The following MSL3 variants were observed in gnomAD, a reference collection of about 807,000 sequenced individuals.
MSL3 encodes MSL3-like 1.
In MSL3, 5 loss-of-function variants were observed where a neutral mutation model predicts 37.2. That is an observed-to-expected ratio of 0.13 (90% CI 0.07 to 0.28). The LOEUF is 0.28. Ranked by LOEUF, MSL3 falls within the 10% of genes least tolerant of loss-of-function variation. The pLI, the probability that MSL3 is intolerant of heterozygous loss-of-function variation, is 1.00. For synonymous variants in MSL3, 149 were observed against 147.6 expected (o/e 1.01, Z -0.07); for missense variants, 315 against 408.5 (o/e 0.77, Z 1.97).
intron 10 of MSL3, chrX:11,769,136 ATTT>A (rs766690527): frequency 1.8e-5 from 2 of 113,646 alleles, no homozygotes; most frequent in Non-Finnish European, 3.7e-5. Context: ...GTGTTTGAAA[ATTT>A]TTTTTGTTTT....
intron 1 of MSL3, chrX:11,758,600 C>T: frequency 8.8e-7 from 1 of 1,131,224 alleles, no homozygotes; most frequent in Admixed American, 2.9e-5. Context: ...GGTTGGGAGC[C>T]TCGCCCATGC....
At chrX:11,767,580 C>T (rs776438568) in intron 9 of MSL3, 1 of 113,932 alleles carries the variant, frequency 8.8e-6, no homozygotes, top group Non-Finnish European at 1.8e-5. Context: ...TCTAAGACTG[C>T]AGTGAGCTCT....
intron 10 of MSL3, 22 bp from the exon 11 acceptor site, chrX:11,772,134 A>G: frequency 8.9e-7 from 1 of 1,124,548 alleles, no homozygotes; most frequent in Non-Finnish European, 1.2e-6. Flanking sequence ...TAACAAAAGC[A>G]TTCAATTCGT....
intron 9 of MSL3, 89 bp from the exon 10 acceptor site, chrX:11,768,484 T>A: frequency 1.7e-6 from 1 of 593,445 alleles, no homozygotes; most frequent in Non-Finnish European, 2.7e-6. Flanking sequence ...GAGAACCAAG[T>A]TTAGATTTAT....
intron 7 of MSL3, 85 bp downstream of exon 7, chrX:11,763,082 A>G (rs969800655): frequency 8.0e-6 from 6 of 747,603 alleles, no homozygotes; most frequent in Non-Finnish European, 1.1e-5. Flanking sequence ...ACTTGTCTCT[A>G]TTCCGTTATT....
rs113375263 is a variant in MSL3 at position 11,772,718 on chromosome X, T to C, written c.1466+13T>C. On this transcript the variant is annotated intron_variant, in intron 12 of 12. Transcript: ENST00000312196. ...ATCTCTTTTTGAGGTATTTTTATTA[T>C]TTTGTCAAAACTTACACCTGTTGCC... The C allele has an allele frequency of 4.7e-3, 5,221 of 1,102,301 alleles. 137 individuals are homozygous for C. The African/African-American group carries it at 0.081, about 17-fold the overall frequency. The allele number at this position is 1,102,301 out of a possible 1,213,427, so 90.8% of individuals were successfully genotyped here.
intron 10 of MSL3, among the ~76,000 whole-genome samples, chrX:11,771,540 T>C (rs1010487423): frequency 4.4e-5 from 5 of 112,871 alleles, no homozygotes; most frequent in African/African-American, 1.6e-4. Context: ...TACTTTTTAA[T>C]GCTTCATTCT....
chrX:11,761,436 C>A, intron 4 of MSL3, 64 bp from the exon 5 acceptor site: 1 of 706,094 alleles, frequency 1.4e-6, no homozygotes, highest in Non-Finnish European at 2.1e-6. Flanking sequence ...ACGTGAAGAT[C>A]TGTAGACATA....
intron 9 of MSL3, chrX:11,766,305 TACAC>T (rs2053182644): frequency 1.3e-6 from 1 of 753,164 alleles, no homozygotes; most frequent in East Asian, 1.5e-4. Context: ...TTTTCCAAAA[TACAC>T]ACAGGTTGAT....
chrX:11,772,182 C>G lies in MSL3; in HGVS notation c.1308C>G (p.Asp436Glu), dbSNP rs1332446329. 10 of 1,209,692 alleles carry G rather than the reference C, an allele frequency of 8.3e-6. No homozygotes were observed. Among genetic ancestry groups the G allele is most frequent in the Non-Finnish European group, 1.0e-5 (9 of 893,858 alleles). The change falls in exon 11 of 13, where the codon GAC (aspartate) becomes GAG (glutamate). Residue 436 changes from aspartate to glutamate, a missense_variant. By Grantham distance (45) the Asp-to-Glu change is conservative. Transcript: ENST00000312196. The stretch of plus-strand genomic sequence containing the variant: ...TCCTCTCCTGGAAGCTTGTGCCTGA[C>G]AATTACCCCCCAGGTGACCAGCCGC... ...NEVLSWKLVP[D>E]NYPPGDQPPP...
chrX:11,758,743 T>G (rs1228941866), intron 1 of MSL3: 2 of 1,165,463 alleles, frequency 1.7e-6, no homozygotes, highest in Admixed American at 2.6e-5. Flanking sequence ...CCGGGTGGGC[T>G]CCTGTGGGAC....
chrX:11,773,821 C>T (rs778093710), intron 12 of MSL3, among the ~76,000 whole-genome samples: 4 of 111,724 alleles, frequency 3.6e-5, no homozygotes, highest in African/African-American at 9.8e-5. Flanking sequence ...AAAACGTATT[C>T]GAAGATATCA....
rs760915919 is a variant in MSL3, at chrX:11,763,896, A to C, written c.866A>C (p.Lys289Thr). 1.7e-6 allele frequency: 2 copies of C among 1,209,822 alleles called. No individual in the cohort carries two copies. The highest frequency in any genetic ancestry group is 1.1e-6 in the Non-Finnish European group (1 of 894,431). ...QAQYKKVTSS[K>T]FFLPIKESAT... ...CAGTATAAAAAGGTGACTTCGTCTA[A>C]ATTTTTTCTTCCAATTAAGGAAAGT... The change falls in exon 8 of 13, where the codon AAA (lysine) becomes ACA (threonine). Residue 289 changes from lysine to threonine, a missense_variant. By Grantham distance (78) the Lys-to-Thr change is moderately conservative. Coordinates refer to ENST00000312196, the MANE Select transcript of MSL3 (RefSeq NM_078629.4).
At chrX:11,758,492 C>T (rs2053093767) in intron 1 of MSL3, 127 bp downstream of exon 1, 37 of 988,589 alleles carry the variant, frequency 3.7e-5, no homozygotes, top group South Asian at 6.2e-5. Flanking sequence ...AGGAGCGGTG[C>T]GGCCGGCAGG....
intron 9 of MSL3, chrX:11,768,348 G>C (rs1215299845): frequency 1.3e-5 from 4 of 307,017 alleles, no homozygotes; most frequent in Non-Finnish European, 2.3e-5. Context: ...CATTCACTAA[G>C]CATAGTCTTT....
Position 11,770,440 on chromosome X carries a change from C to T in MSL3, c.1282-1716C>T, listed in dbSNP as rs1386359620. On this transcript the variant is annotated intron_variant, in intron 10 of 12. Coordinates refer to ENST00000312196, the MANE Select transcript of MSL3 (RefSeq NM_078629.4). Reference sequence around the variant, plus strand: ...GCTATTCCCACTCCGGTCTGCAGTGCGAATGCGCCATCTAGTGGTTATAGG... The same window carrying T: ...GCTATTCCCACTCCGGTCTGCAGTGTGAATGCGCCATCTAGTGGTTATAGG... 5.4e-5 allele frequency among the ~76,000 whole-genome samples: 6 copies of T among 112,038 alleles called. No homozygotes were observed. In the South Asian group the frequency reaches 1.8e-3, roughly 35 times the overall value.
chrX:11,759,646 T>C (rs1156277689), intron 1 of MSL3, 147 bp from the exon 2 acceptor site: 3 of 1,104,816 alleles, frequency 2.7e-6, no homozygotes, highest in Non-Finnish European at 3.6e-6. Context: ...GGGAAAAAAA[T>C]GAAAGGAAAA....
intron 10 of MSL3, among the ~76,000 whole-genome samples, chrX:11,770,036 C>G (rs1323035836): frequency 4.4e-5 from 5 of 112,885 alleles, no homozygotes. Flanking sequence ...CAGGAAAGCC[C>G]TAAACAAAGG....
chrX:11,762,752 G>T, intron 6 of MSL3, 85 bp from the exon 7 acceptor site: 1 of 911,924 alleles, frequency 1.1e-6, no homozygotes, highest in Non-Finnish European at 1.5e-6. Context: ...GTTAAAAAAT[G>T]ATACAGACAT....
Sources: gnomAD v4.1 joint callset for allele counts (sites outside exome capture counted in the v4.1 genomes callset) on GRCh38, gnomAD v4.1.1 for gene constraint, MANE v1.5 for transcripts, NCBI Gene and HGNC (gene_info 2026-07-23, HGNC 2026-07-21) for gene names.